Variants in MAGI2 observed in about 807,000 individuals in gnomAD.
MAGI2 encodes the protein membrane associated guanylate kinase, WW and PDZ domain containing 2.
Under a neutral mutation model 133.3 loss-of-function variants are expected in MAGI2, and 35 were observed. The observed-to-expected ratio is 0.26, with a 90% CI of 0.20 to 0.35. MAGI2 has a LOEUF of 0.35. Among genes scored for constraint, MAGI2 ranks in the 10% least tolerant of loss-of-function variants. The pLI is 1.00. For missense variants in MAGI2, 1,636 were observed against 1,863.4 expected, an observed-to-expected ratio of 0.88 and a Z score of 2.25; for synonymous variants, 729 against 710.6, an observed-to-expected ratio of 1.03 and a Z score of -0.41.
intron 1 of MAGI2, among the ~76,000 whole-genome samples, chr7:79,401,547 T>G (rs1845469965): frequency 6.6e-6 from 1 of 152,176 alleles, no homozygotes; most frequent in African/African-American, 2.4e-5. Context: ...GCCCTCAGTC[T>G]TTTGAAGTTG....
chr7:78,302,149 A>G (rs1797886726), intron 9 of MAGI2, among the ~76,000 whole-genome samples: 1 of 152,246 alleles, frequency 6.6e-6, no homozygotes, highest in South Asian at 2.1e-4. Flanking sequence ...TAGAAGCTCA[A>G]TAAGTTATTG....
chr7:78,772,134 C>T (rs1825641874), intron 2 of MAGI2, among the ~76,000 whole-genome samples: 1 of 152,072 alleles, frequency 6.6e-6, no homozygotes, highest in South Asian at 2.1e-4. Flanking sequence ...AATTTGACAC[C>T]ATCTTCTCCT....
At chr7:78,392,802 C>G (rs1417607191) in intron 6 of MAGI2, among the ~76,000 whole-genome samples, 2 of 152,104 alleles carry the variant, frequency 1.3e-5, no homozygotes, top group Non-Finnish European at 2.9e-5. Flanking sequence ...CGCCACTGCA[C>G]CTGGCTAATT....
intron 1 of MAGI2, among the ~76,000 whole-genome samples, chr7:79,358,087 G>C (rs1415487622): frequency 6.6e-6 from 1 of 151,728 alleles, no homozygotes; most frequent in Non-Finnish European, 1.5e-5. Flanking sequence ...TATTATTAAT[G>C]AGCTACTAGG....
At chr7:78,770,854 G>A (rs974865104) in intron 2 of MAGI2, 1 of 152,546 alleles carries the variant, frequency 6.6e-6, no homozygotes, top group Admixed American at 6.5e-5. Flanking sequence ...TACTAACCTA[G>A]AGCTCTGTTC....
At chr7:78,240,298 G>C (rs1277754102) in intron 10 of MAGI2, among the ~76,000 whole-genome samples, 1 of 151,882 alleles carries the variant, frequency 6.6e-6, no homozygotes, top group Non-Finnish European at 1.5e-5. Flanking sequence ...CCATGTCCCT[G>C]CAAAGGACAT....
At chr7:78,326,142 C>T (rs963600138) in intron 9 of MAGI2, among the ~76,000 whole-genome samples, 20 of 152,200 alleles carry the variant, frequency 1.3e-4, no homozygotes, top group Admixed American at 1.2e-3. Context: ...GACCACACTG[C>T]TTTCATCTTA....
rs1017380291 is a variant in MAGI2 at position 78,043,410 on chromosome 7, C to A, written c.3707-23434G>T. 4.6e-5 allele frequency among the ~76,000 whole-genome samples: 7 copies of A among 152,164 alleles called. No individual in the cohort carries two copies. In the South Asian group the frequency reaches 1.4e-3, roughly 32 times the overall value. ...TGTATAATACTCTGGAGCTTCCTAT[C>A]AGCCTTAAAGGTCAAGAGAAAGTTT... is the stretch of plus-strand genomic sequence containing the variant. On this transcript the variant is annotated intron_variant, in intron 21 of 21. Coordinates refer to ENST00000354212, the MANE Select transcript of MAGI2 (RefSeq NM_012301.4).
At chr7:78,373,175 T>C (rs1324703239) in intron 6 of MAGI2, among the ~76,000 whole-genome samples, 1 of 152,080 alleles carries the variant, frequency 6.6e-6, no homozygotes, top group Non-Finnish European at 1.5e-5. Flanking sequence ...TGGACAGATA[T>C]TCAATAAAGT....
At chr7:78,991,664 T>C (rs1805801049) in intron 2 of MAGI2, among the ~76,000 whole-genome samples, 1 of 151,856 alleles carries the variant, frequency 6.6e-6, no homozygotes, top group African/African-American at 2.4e-5. Context: ...AGCTAGGCTT[T>C]TTGGGAACAC....
intron 5 of MAGI2, among the ~76,000 whole-genome samples, chr7:78,490,809 C>A (rs1239648858): frequency 1.3e-5 from 2 of 152,024 alleles, no homozygotes; most frequent in Non-Finnish European, 2.9e-5. Flanking sequence ...CTCAAGGGAT[C>A]TCATCTACCA....
At position 78,607,358 on chromosome 7, in the gene MAGI2, CAGTGGCTATGGTCT is replaced by C. The variant is rs556856299; in HGVS notation, c.538+19748_538+19761del. Reference sequence around the variant, plus strand: ...AAGCCTGGGAATATTATCTAGTATTCAGTGGCTATGGTCTAGTGGTAGGGTCCAGTTTCCGCGGC... The same window carrying C: ...AAGCCTGGGAATATTATCTAGTATTCAGTGGTAGGGTCCAGTTTCCGCGGC... On this transcript the variant is annotated intron_variant, in intron 3 of 21. Coordinates refer to ENST00000354212, the MANE Select transcript of MAGI2 (RefSeq NM_012301.4). 2.5e-3 allele frequency among the ~76,000 whole-genome samples: 379 copies of C among 152,078 alleles called. 1 individual carries two copies. Among genetic ancestry groups the C allele is most frequent in the African/African-American group, 8.6e-3 (355 of 41,508 alleles).
At chr7:78,446,904 C>T (rs1440449581) in intron 6 of MAGI2, among the ~76,000 whole-genome samples, 1 of 152,032 alleles carries the variant, frequency 6.6e-6, no homozygotes, top group Non-Finnish European at 1.5e-5. Flanking sequence ...GACTATTATA[C>T]TTAACTTCAG....
intron 6 of MAGI2, among the ~76,000 whole-genome samples, chr7:78,384,164 A>G (rs1795176034): frequency 6.6e-6 from 1 of 152,102 alleles, no homozygotes; most frequent in Non-Finnish European, 1.5e-5. Context: ...GATTGCCCTG[A>G]ATCTGTAGAT....
intron 1 of MAGI2, among the ~76,000 whole-genome samples, chr7:79,167,142 T>C (rs1037758624): frequency 9.5e-6 from 1 of 104,758 alleles, no homozygotes; most frequent in African/African-American, 3.8e-5. Flanking sequence ...ACAGGCTTTA[T>C]AGGGTCTTTG....
At chr7:78,463,485 G>C (rs1226631426) in intron 6 of MAGI2, among the ~76,000 whole-genome samples, 2 of 152,204 alleles carry the variant, frequency 1.3e-5, no homozygotes, top group Non-Finnish European at 2.9e-5. Context: ...GAGACTCTCT[G>C]AGGCCTTTTA....
At chr7:78,143,436 C>T (rs1236441521) in intron 16 of MAGI2, among the ~76,000 whole-genome samples, 2 of 151,884 alleles carry the variant, frequency 1.3e-5, no homozygotes, top group African/African-American at 2.4e-5. Flanking sequence ...ATATGGGGTT[C>T]CTTTTATTTA....
At chr7:79,112,215 A>G (rs1393282331) in intron 1 of MAGI2, among the ~76,000 whole-genome samples, 2 of 152,110 alleles carry the variant, frequency 1.3e-5, no homozygotes, top group African/African-American at 4.8e-5. Flanking sequence ...GTAAGCGAAT[A>G]GTTATCTGGA....
intron 2 of MAGI2, among the ~76,000 whole-genome samples, chr7:78,816,880 T>G (rs1789629538): frequency 6.6e-6 from 1 of 152,232 alleles, no homozygotes; most frequent in Non-Finnish European, 1.5e-5. Context: ...GATCAAGGAA[T>G]AATTTTGACT....
Sources: allele counts gnomAD v4.1 joint callset (sites outside exome capture counted in the v4.1 genomes callset), GRCh38; gene constraint gnomAD v4.1.1; transcripts MANE v1.5; gene names NCBI Gene and HGNC (gene_info 2026-07-23, HGNC 2026-07-21).